The following KIAA0586 variants were observed in gnomAD, a reference collection of about 807,000 sequenced individuals.
KIAA0586 encodes protein TALPID3.
KIAA0586 carries 144 observed loss-of-function variants against 169.8 expected under a neutral mutation model. The observed-to-expected ratio is 0.85, with a 90% CI of 0.74 to 0.97. The LOEUF (loss-of-function observed/expected upper bound fraction) is 0.97. Ranked by LOEUF, KIAA0586 falls within the 50% of genes least tolerant of loss-of-function variation. KIAA0586 has a pLI of 0.00. For synonymous variants in KIAA0586, 625 were observed against 612.4 expected (o/e 1.02, Z -0.30); for missense variants, 1,854 against 1,823.0 (o/e 1.02, Z -0.31).
chr14:58,441,638 A>G (rs1051977805), intron 4 of KIAA0586, among the ~76,000 whole-genome samples: 1 of 152,030 alleles, frequency 6.6e-6, no homozygotes, highest in Non-Finnish European at 1.5e-5. Flanking sequence ...TTTTTGTTTT[A>G]TTTTATTTTT....
intron 17 of KIAA0586, among the ~76,000 whole-genome samples, chr14:58,471,103 C>T (rs1444467072): frequency 6.6e-6 from 1 of 152,164 alleles, no homozygotes; most frequent in Non-Finnish European, 1.5e-5. Flanking sequence ...CCCTCTACCT[C>T]GGCCTCCCAA....
chr14:58,507,227 T>A (rs1566916268), intron 27 of KIAA0586, among the ~76,000 whole-genome samples: 1 of 102,426 alleles, frequency 9.8e-6, no homozygotes, highest in African/African-American at 3.7e-5. Flanking sequence ...ATATAAATCA[T>A]CTATATGTAT....
chr14:58,548,012 CTGTT>C lies in KIAA0586; in HGVS notation c.*83_*86del, dbSNP rs776638621. Reference sequence around the variant, plus strand: ...CCTTGGCTTAAAACCCTCTCTCAGACTGTTTGGTTTTTGAGCATATTCTGAAAAA... The same window carrying C: ...CCTTGGCTTAAAACCCTCTCTCAGACTGGTTTTTGAGCATATTCTGAAAAA... On this transcript the variant is annotated 3_prime_UTR_variant, in exon 31 of 31. Transcript: ENST00000652326. 29 of 1,472,952 alleles carry C rather than the reference CTGTT, an allele frequency of 2.0e-5. No individual in the cohort carries two copies. The highest frequency in any genetic ancestry group is 1.8e-4 in the Middle Eastern group (1 of 5,558). The allele number at this position is 1,472,952 out of a possible 1,614,324, so 91.2% of individuals were successfully genotyped here.
intron 4 of KIAA0586, chr14:58,441,953 T>C (rs2038417763): frequency 6.6e-6 from 1 of 152,134 alleles, no homozygotes; most frequent in Admixed American, 6.6e-5. Flanking sequence ...CTTACTCCAC[T>C]TTTTCTCCCC....
At chr14:58,521,826 G>A (rs2045250930) in intron 29 of KIAA0586, 2 of 852,114 alleles carry the variant, frequency 2.3e-6, no homozygotes, top group Admixed American at 1.7e-5. Context: ...TAATGTGAAG[G>A]TGGAGTCGGA....
chr14:58,520,482 A>G lies in KIAA0586; in HGVS notation c.4429+7855A>G, dbSNP rs898488622. 4.0e-5 allele frequency among the ~76,000 whole-genome samples: 6 copies of G among 151,290 alleles called. 1 individual carries two copies. The Middle Eastern group carries it at 0.01, about 257-fold the overall frequency. On this transcript the variant is annotated intron_variant, in intron 29 of 30. Coordinates refer to ENST00000652326, the MANE Select transcript of KIAA0586 (RefSeq NM_001329943.3). ...TTCTTTTTGGCTTCTTTCACTTAAC[A>G]TAATGTTTTCTTTTAGTTTTTTGGG...
chr14:58,490,256 C>T lies in KIAA0586; in HGVS notation c.3858+16C>T, dbSNP rs1338160056. On this transcript the variant is annotated intron_variant, in intron 25 of 30. Transcript: ENST00000652326. ...CGTTGAAATGGTAAGTAACGATTGACTCCAACACTGAATTCTGACAGGAAG... is the reference window on the plus strand; with the variant it reads ...CGTTGAAATGGTAAGTAACGATTGATTCCAACACTGAATTCTGACAGGAAG... The T allele has an allele frequency of 1.4e-6, 2 of 1,388,896 alleles. No homozygotes were observed. The highest frequency in any genetic ancestry group is 1.5e-5 in the African/African-American group (1 of 68,062). 86.0% of individuals were successfully genotyped at this position (1,388,896 alleles called of 1,614,324 possible).
chr14:58,441,358 A>T (rs768554383), intron 4 of KIAA0586: 3 of 409,788 alleles, frequency 7.3e-6, no homozygotes, highest in Non-Finnish European at 1.5e-5. Flanking sequence ...GTGCCACCAC[A>T]CCTGGCTAAT....
chr14:58,481,138 C>A (rs189656687), intron 20 of KIAA0586, among the ~76,000 whole-genome samples: 5 of 152,336 alleles, frequency 3.3e-5, no homozygotes, highest in Admixed American at 6.5e-5. Context: ...ATTGCTGTTA[C>A]TTACCCCGTC....
chr14:58,427,998 T>C lies in KIAA0586; in HGVS notation c.-267T>C, dbSNP rs1188304681. 7.0e-7 allele frequency: 1 copy of C among 1,424,180 alleles called. No homozygotes were observed. Among genetic ancestry groups the C allele is most frequent in the Non-Finnish European group, 9.1e-7 (1 of 1,096,296 alleles). The allele number at this position is 1,424,180 out of a possible 1,614,324, so 88.2% of individuals were successfully genotyped here. On this transcript the variant is annotated 5_prime_UTR_variant, in exon 1 of 31. Coordinates refer to ENST00000652326, the MANE Select transcript of KIAA0586 (RefSeq NM_001329943.3). Reference sequence around the variant, plus strand: ...GGGGAGTGCACTGTTATGGTTATTGTTGCTCCTGTGGCCATTCTCTTGTCA... The same window carrying C: ...GGGGAGTGCACTGTTATGGTTATTGCTGCTCCTGTGGCCATTCTCTTGTCA...
At chr14:58,479,534 T>C (rs2141082234) in intron 20 of KIAA0586, among the ~76,000 whole-genome samples, 1 of 152,312 alleles carries the variant, frequency 6.6e-6, no homozygotes, top group South Asian at 2.1e-4. Context: ...AAGTCTAATT[T>C]ATCAGGTTTT....
At chr14:58,496,975 AT>A (rs11289825) in intron 26 of KIAA0586, among the ~76,000 whole-genome samples, 114,213 of 122,646 alleles carry the variant, frequency 0.93, 53,038 homozygotes, top group South Asian at 0.97. Context: ...ATTTAAAACA[AT>A]TTTTTTTTTT....
At chr14:58,502,819 C>T (rs1026584702) in intron 27 of KIAA0586, among the ~76,000 whole-genome samples, 1 of 152,148 alleles carries the variant, frequency 6.6e-6, no homozygotes, top group Non-Finnish European at 1.5e-5. Flanking sequence ...AAGATTTTCT[C>T]CTGGTGACCA....
chr14:58,492,059 A>C (rs1041572805), intron 25 of KIAA0586, 85 bp from the exon 26 acceptor site: 2 of 1,115,436 alleles, frequency 1.8e-6, no homozygotes, highest in East Asian at 5.3e-5. Context: ...CTCATGACTG[A>C]TAAGTTTTTA....
intron 11 of KIAA0586, 99 bp downstream of exon 11, chr14:58,458,078 AT>A: frequency 1.3e-6 from 1 of 774,216 alleles, no homozygotes; most frequent in Non-Finnish European, 2.0e-6. Context: ...TAGTTTTCAT[AT>A]TTTTAAAAGG....
At chr14:58,557,901 CTTTTTT>C in the KIAA0586 span, among the ~76,000 whole-genome samples, 207 of 42,514 alleles carry the variant, frequency 4.9e-3, 4 homozygotes, top group African/African-American at 0.023. Context: ...CCTGAGAAAT[CTTTTTT>C]TTTTTTTTTT....
At chr14:58,477,684 T>G (rs1195876986) in intron 20 of KIAA0586, among the ~76,000 whole-genome samples, 1 of 152,166 alleles carries the variant, frequency 6.6e-6, no homozygotes, top group Non-Finnish European at 1.5e-5. Context: ...TTATGGAGCC[T>G]ATGCCATTCT....
chr14:58,461,611 A>G (rs1003610280), intron 14 of KIAA0586, among the ~76,000 whole-genome samples: 2 of 151,890 alleles, frequency 1.3e-5, no homozygotes, highest in African/African-American at 2.4e-5. Context: ...ATTTTTTTGT[A>G]TGTTTTATAG....
rs1383228483 is a variant in KIAA0586, at chr14:58,449,876, A to C, written c.962-703A>C. On this transcript the variant is annotated intron_variant, in intron 7 of 30. Transcript: ENST00000652326. ...TATATATAAATTACAGTAACAAATAAAAGAAAATAAAGAGTAAAAATTCAG... is the reference window on the plus strand; with the variant it reads ...TATATATAAATTACAGTAACAAATACAAGAAAATAAAGAGTAAAAATTCAG... 2.0e-5 allele frequency among the ~76,000 whole-genome samples: 3 copies of C among 152,368 alleles called. No homozygotes were observed. In the East Asian group the frequency reaches 5.8e-4, roughly 29 times the overall value.
Sources: allele counts gnomAD v4.1 joint callset (sites outside exome capture counted in the v4.1 genomes callset), GRCh38; gene constraint gnomAD v4.1.1; transcripts MANE v1.5; gene names NCBI Gene and HGNC (gene_info 2026-07-23, HGNC 2026-07-21).